The following GGT5 variants were observed in gnomAD, a reference collection of about 807,000 sequenced individuals.
GGT5 encodes glutathione hydrolase 5 proenzyme.
Under a neutral mutation model 58.1 loss-of-function variants are expected in GGT5, and 50 were observed. The observed-to-expected ratio is 0.86, with a 90% CI of 0.69 to 1.09. The LOEUF is 1.09. Ranked by LOEUF, GGT5 falls within the 50% of genes least tolerant of loss-of-function variation. The pLI is 0.00. For missense variants in GGT5, 800 were observed against 789.4 expected (o/e 1.01, Z -0.16); for synonymous variants, 370 against 346.1 (o/e 1.07, Z -0.77).
chr22:24,227,205 C>A (rs2047794716), intron 6 of GGT5, among the ~76,000 whole-genome samples: 1 of 152,110 alleles, frequency 6.6e-6, no homozygotes, highest in Non-Finnish European at 1.5e-5. Flanking sequence ...CTGCCTTGGC[C>A]TCCCAAAGTG....
At chr22:24,235,517 C>A (rs2048071484) in intron 1 of GGT5, among the ~76,000 whole-genome samples, 1 of 152,138 alleles carries the variant, frequency 6.6e-6, no homozygotes. Flanking sequence ...GGACACAAAC[C>A]CACCCCAGCT....
intron 1 of GGT5, chr22:24,243,514 G>A (rs186511767): frequency 6.6e-6 from 1 of 152,396 alleles, no homozygotes; most frequent in African/African-American, 2.4e-5. Context: ...AACAGAGAGA[G>A]AGAGCAGCCA....
Position 24,226,222 on chromosome 22 carries a change from G to C in GGT5, c.1083C>G (p.Ile361Met). 1 of 1,608,930 alleles carries C rather than the reference G, an allele frequency of 6.2e-7. No homozygotes were observed. Among genetic ancestry groups the C allele is most frequent in the South Asian group, 1.1e-5 (1 of 90,996 alleles). The change falls in exon 8 of 12, where the codon ATC becomes ATG. Residue 361 changes from isoleucine (I) to methionine (M), a missense_variant. Ile to Met is a conservative substitution (Grantham distance 10). Coordinates refer to ENST00000327365, the MANE Select transcript of GGT5 (RefSeq NM_004121.5). ...CCCCCCGGCCATCGATCTGTTGGCG[G>C]ATGAGCTGGGCCAGGGTCTCCCCCA... ...DLLGETLAQL[I>M]RQQIDGRGDH... is the part of the protein sequence containing the mutation.
chr22:24,223,043 T>C (rs2047647045), intron 11 of GGT5, among the ~76,000 whole-genome samples: 1 of 151,182 alleles, frequency 6.6e-6, no homozygotes, highest in African/African-American at 2.4e-5. Context: ...TGAGCCAAGA[T>C]CGTGCCACTG....
chr22:24,244,276 T>A, intron 1 of GGT5: 1 of 403,590 alleles, frequency 2.5e-6, no homozygotes, highest in South Asian at 3.8e-5. Context: ...CGGCTCCTGC[T>A]TCCTGGGCCA....
At chr22:24,224,045 G>A (rs886572976) in intron 11 of GGT5, among the ~76,000 whole-genome samples, 2 of 151,826 alleles carry the variant, frequency 1.3e-5, no homozygotes, top group Non-Finnish European at 2.9e-5. Context: ...TTACAGGCAT[G>A]AGCCACCATG....
At chr22:24,228,841 C>G (rs1455142282) in intron 6 of GGT5, among the ~76,000 whole-genome samples, 1 of 151,696 alleles carries the variant, frequency 6.6e-6, no homozygotes, top group Non-Finnish European at 1.5e-5. Context: ...GCCTATAATC[C>G]CAACACTTTG....
Position 24,232,223 on chromosome 22 carries a change from G to GGGGGGGC in GGT5, c.597-16_597-15insGCCCCCC. 3.4e-6 allele frequency: 3 copies of GGGGGGGC among 890,640 alleles called. No homozygotes were observed. The highest frequency in any genetic ancestry group is 5.1e-6 in the Non-Finnish European group (3 of 590,050). The allele number at this position is 890,640 out of a possible 1,614,324, so 55.2% of individuals were successfully genotyped here. ...AGAAGAGCTGGCTGGGGGGTGGGGG[G>GGGGGGGC]AGCCTCAGGGTGGGGCCAGGTCCCA... On this transcript the variant is annotated splice_polypyrimidine_tract_variant and intron_variant, in intron 4 of 11. Coordinates refer to ENST00000327365, the MANE Select transcript of GGT5 (RefSeq NM_004121.5).
chr22:24,228,085 A>C (rs899086885), intron 6 of GGT5, among the ~76,000 whole-genome samples: 8 of 146,684 alleles, frequency 5.5e-5, no homozygotes, highest in African/African-American at 7.6e-5. Flanking sequence ...AAAAAAAAAA[A>C]CTCTGAAAAA....
At position 24,238,851 on chromosome 22, in the gene GGT5, TATATTATATATATAATATATATA is replaced by T. The variant is rs1569371879; in HGVS notation, c.174-4870_174-4848del. On this transcript the variant is annotated intron_variant, in intron 1 of 11. Coordinates refer to ENST00000327365, the MANE Select transcript of GGT5 (RefSeq NM_004121.5). ...TATATATTTATATATATATATTATA[TATATTATATATATAATATATATA>T]ATATATATTATATATTTTATATATA... Among the ~76,000 whole-genome samples, 92 of 14,818 alleles carry T rather than the reference TATATTATATATATAATATATATA, an allele frequency of 6.2e-3. 2 individuals carry two copies. The highest frequency in any genetic ancestry group is 0.024 in the African/African-American group (62 of 2,626). 9.7% of individuals were successfully genotyped at this position (14,818 alleles called of 152,430 possible).
chr22:24,226,355 G>A, intron 7 of GGT5, 89 bp from the exon 8 acceptor site: 1 of 1,031,574 alleles, frequency 9.7e-7, no homozygotes, highest in Non-Finnish European at 1.4e-6. Context: ...CCCCATGGGG[G>A]CCACCTCCAG....
chr22:24,238,815 ATATATATATATATATAT>A (rs2048198436), intron 1 of GGT5, among the ~76,000 whole-genome samples: 1 of 4,090 alleles, frequency 2.4e-4, no homozygotes, highest in Non-Finnish European at 4.2e-4. Context: ...ATAATATATT[ATATATATATATATATAT>A]TTATATATAT....
intron 6 of GGT5, among the ~76,000 whole-genome samples, chr22:24,228,682 A>G (rs1025038561): frequency 2.6e-5 from 4 of 151,678 alleles, no homozygotes; most frequent in African/African-American, 4.8e-5. Context: ...GATCTCCTGA[A>G]CTCATGATCC....
At chr22:24,226,524 T>A (rs1165070553) in intron 7 of GGT5, 107 bp downstream of exon 7, 1 of 1,249,086 alleles carries the variant, frequency 8.0e-7, no homozygotes, top group South Asian at 1.3e-5. Context: ...TAGAACCACA[T>A]ACATATCCCT....
chr22:24,239,807 C>T (rs938902933), intron 1 of GGT5, among the ~76,000 whole-genome samples: 1 of 151,876 alleles, frequency 6.6e-6, no homozygotes, highest in Non-Finnish European at 1.5e-5. Context: ...ATAGGCTGGG[C>T]GTGGTGGCTC....
intron 1 of GGT5, among the ~76,000 whole-genome samples, chr22:24,240,420 T>C (rs188101008): frequency 4.7e-4 from 71 of 151,444 alleles, no homozygotes; most frequent in African/African-American, 1.6e-3. Flanking sequence ...ATGCCTTTTA[T>C]GTAAGGATAC....
chr22:24,234,113 CTG>C, intron 1 of GGT5, 109 bp from the exon 2 acceptor site: 1 of 1,096,130 alleles, frequency 9.1e-7, no homozygotes, highest in Non-Finnish European at 1.3e-6. Context: ...GGCACGTCGG[CTG>C]CCACCAAACC....
intron 1 of GGT5, among the ~76,000 whole-genome samples, chr22:24,239,861 C>T (rs1235928310): frequency 6.6e-6 from 1 of 151,486 alleles, no homozygotes; most frequent in Admixed American, 6.6e-5. Flanking sequence ...GTAAGCAGAT[C>T]TCTTAAGGTG....
chr22:24,237,991 GCCAAGGTGGGTAGGTCA>G (rs1257699741), intron 1 of GGT5, among the ~76,000 whole-genome samples: 2 of 152,076 alleles, frequency 1.3e-5, no homozygotes, highest in Admixed American at 6.5e-5. Context: ...ACTTTGGAAG[GCCAAGGTGGGTAGGTCA>G]CCTGAGGTCA....
Sources: allele counts gnomAD v4.1 joint callset (sites outside exome capture counted in the v4.1 genomes callset), GRCh38; gene constraint gnomAD v4.1.1; transcripts MANE v1.5; gene names NCBI Gene and HGNC (gene_info 2026-07-23, HGNC 2026-07-21).